PHYHIPL: variants seen among roughly 807,000 people sequenced by gnomAD.
PHYHIPL encodes phytanoyl-CoA 2-hydroxylase interacting protein like, also known as phytanoyl-CoA hydroxylase-interacting protein-like.
In PHYHIPL, 9 loss-of-function variants were observed where a neutral mutation model predicts 33.4. The observed-to-expected ratio is 0.27, with a 90% CI of 0.16 to 0.47. The LOEUF (loss-of-function observed/expected upper bound fraction) is 0.47. Among genes scored for constraint, PHYHIPL ranks in the 20% least tolerant of loss-of-function variants. PHYHIPL has a pLI of 0.99. For synonymous variants in PHYHIPL, 153 were observed against 154.1 expected (o/e 0.99, Z 0.05); for missense variants, 365 against 460.7 (o/e 0.79, Z 1.90).
intron 1 of PHYHIPL, among the ~76,000 whole-genome samples, chr10:59,214,050 A>G (rs1291996962): frequency 6.6e-6 from 1 of 152,168 alleles, no homozygotes; most frequent in Non-Finnish European, 1.5e-5. Context: ...GGATTATTCA[A>G]TAAATGATGT....
intron 1 of PHYHIPL, among the ~76,000 whole-genome samples, chr10:59,184,364 A>G (rs1838504965): frequency 6.6e-6 from 1 of 152,244 alleles, no homozygotes; most frequent in Non-Finnish European, 1.5e-5. Flanking sequence ...AAGTTTGCCA[A>G]CACCTAGTGC....
chr10:59,225,264 G>T (rs554009877), intron 1 of PHYHIPL, among the ~76,000 whole-genome samples: 2 of 149,928 alleles, frequency 1.3e-5, no homozygotes, highest in South Asian at 4.3e-4. Flanking sequence ...CATTGTAAAA[G>T]TTTGTATTCC....
intron 1 of PHYHIPL, chr10:59,177,480 C>T (rs1413624988): frequency 1.3e-6 from 2 of 1,547,672 alleles, no homozygotes; most frequent in Non-Finnish European, 8.7e-7. Context: ...ATTAGGATGA[C>T]AGTTTTTCAG....
intron 1 of PHYHIPL, among the ~76,000 whole-genome samples, chr10:59,227,115 A>G (rs1179797690): frequency 6.6e-6 from 1 of 152,218 alleles, no homozygotes; most frequent in Admixed American, 6.5e-5. Context: ...TTCAAGATGT[A>G]ATTAATATAG....
At chr10:59,240,003 CAG>C (rs1840342737) in intron 4 of PHYHIPL, among the ~76,000 whole-genome samples, 1 of 152,016 alleles carries the variant, frequency 6.6e-6, no homozygotes, top group Non-Finnish European at 1.5e-5. Flanking sequence ...CAACAGGAAT[CAG>C]AGAGAGAAGA....
At chr10:59,184,537 G>T (rs1231050826) in intron 1 of PHYHIPL, among the ~76,000 whole-genome samples, 3 of 152,114 alleles carry the variant, frequency 2.0e-5, no homozygotes, top group Non-Finnish European at 2.9e-5. Context: ...AATGTTATCA[G>T]GCAGTAAGTT....
intron 1 of PHYHIPL, chr10:59,206,815 G>T (rs1478965378): frequency 8.2e-7 from 1 of 1,217,960 alleles, no homozygotes; most frequent in East Asian, 6.1e-5. Context: ...ATTGGTTCAT[G>T]GCAAGTTATT....
At chr10:59,210,653 A>G (rs1204044568) in intron 1 of PHYHIPL, among the ~76,000 whole-genome samples, 1 of 152,260 alleles carries the variant, frequency 6.6e-6, no homozygotes, top group East Asian at 1.9e-4. Flanking sequence ...ACTGTTCACA[A>G]TAGCAAAGAG....
chr10:59,245,424 T>C lies in PHYHIPL; in HGVS notation c.964T>C (p.Tyr322His). ...TCTEEDGVLV[Y>H]HHAQDVILEV... ...TACAGAAGAAGATGGGGTGCTGGTT[T>C]ACCACCATGCCCAGGATGTCATTTT... Residue 322 changes from tyrosine (Y) to histidine (H), a missense_variant, in exon 5 of 5, where the codon TAC (tyrosine) becomes CAC (histidine). Physicochemically the swap from Tyr to His is moderately conservative, Grantham distance 83. Around this residue, in one of 4 missense-constraint regions of PHYHIPL, gnomAD observed 196 missense variants for 224.9 expected, o/e 0.87. Coordinates refer to ENST00000373880, the MANE Select transcript of PHYHIPL (RefSeq NM_032439.4). 6.2e-7 allele frequency: 1 copy of C among 1,614,152 alleles called. No homozygotes were observed. The highest frequency in any genetic ancestry group is 8.5e-7 in the Non-Finnish European group (1 of 1,180,024).
At chr10:59,184,823 AGGTGT>A (rs1390382843) in intron 1 of PHYHIPL, among the ~76,000 whole-genome samples, 3 of 96,206 alleles carry the variant, frequency 3.1e-5, no homozygotes, top group Non-Finnish European at 5.9e-5. Flanking sequence ...CAACAGACCC[AGGTGT>A]GTGATGTTCC....
chr10:59,194,914 T>C (rs977244728), intron 1 of PHYHIPL, among the ~76,000 whole-genome samples: 1 of 152,206 alleles, frequency 6.6e-6, no homozygotes, highest in Non-Finnish European at 1.5e-5. Context: ...TACCTGTGAG[T>C]GTAGAAAGCT....
intron 1 of PHYHIPL, among the ~76,000 whole-genome samples, chr10:59,187,144 A>G (rs1032997711): frequency 3.0e-4 from 46 of 152,132 alleles, no homozygotes; most frequent in Admixed American, 1.4e-3. Context: ...TCCCTTCAAT[A>G]CCTAATTTAT....
At chr10:59,211,525 T>G (rs1252484808) in intron 1 of PHYHIPL, among the ~76,000 whole-genome samples, 4 of 151,864 alleles carry the variant, frequency 2.6e-5, no homozygotes, top group Admixed American at 2.6e-4. Context: ...TACAGGTGCA[T>G]GCCACCACAG....
chr10:59,220,138 G>T (rs1839725725), intron 1 of PHYHIPL, among the ~76,000 whole-genome samples: 3 of 151,910 alleles, frequency 2.0e-5, no homozygotes, highest in African/African-American at 4.8e-5. Context: ...CTTTGTTGAG[G>T]ATTTAATACT....
chr10:59,239,909 T>C (rs1464013138), intron 4 of PHYHIPL, among the ~76,000 whole-genome samples: 1 of 152,048 alleles, frequency 6.6e-6, no homozygotes, highest in Non-Finnish European at 1.5e-5. Context: ...GAAAAATATT[T>C]AGGAAACTTT....
chr10:59,226,134 G>A (rs746132976), intron 1 of PHYHIPL, among the ~76,000 whole-genome samples: 3 of 151,418 alleles, frequency 2.0e-5, no homozygotes, highest in Admixed American at 6.6e-5. Flanking sequence ...ATAAAGAGAC[G>A]TAATTGAGAA....
In PHYHIPL at chr10:59,225,887, T is replaced by TGAAAAAACAAAATGAGACCTACCTAA. The variant is rs1478385162; in HGVS notation, c.107-8395_107-8370dup. On this transcript the variant is annotated intron_variant, in intron 1 of 4. Coordinates refer to ENST00000373880, the MANE Select transcript of PHYHIPL (RefSeq NM_032439.4). ...AGAAGTTTCTAGGTCTTCCATATGATGAAAAAACAAAATGAGACCTACCTA... is the reference window on the plus strand; with the variant it reads ...AGAAGTTTCTAGGTCTTCCATATGATGAAAAAACAAAATGAGACCTACCTAAGAAAAAACAAAATGAGACCTACCTA... 1.1e-3 allele frequency among the ~76,000 whole-genome samples: 164 copies of TGAAAAAACAAAATGAGACCTACCTAA among 152,088 alleles called. 1 individual carries two copies. The highest frequency in any genetic ancestry group is 3.7e-3 in the African/African-American group (152 of 41,508).
chr10:59,244,578 A>AAAAAAAAAAAAAAAAC (rs1840572455), intron 4 of PHYHIPL, among the ~76,000 whole-genome samples: 1 of 149,304 alleles, frequency 6.7e-6, no homozygotes, highest in Admixed American at 6.7e-5. Context: ...AAAAAAAAAA[A>AAAAAAAAAAAAAAAAC]AAAAAAAAGC....
rs191045521 is a variant in PHYHIPL, at chr10:59,216,001, A to G, written c.107-18303A>G. ...GAAAAGATTGGAAAGGAAAATCAAG[A>G]GTTCTATTTTAGATATTTTAAATTT... On this transcript the variant is annotated intron_variant, in intron 1 of 4. Transcript: ENST00000373880. Among the ~76,000 whole-genome samples, 11 of 152,148 alleles carry G rather than the reference A, an allele frequency of 7.2e-5. No homozygotes were observed. In the East Asian group the frequency reaches 1.9e-3, roughly 27 times the overall value.
Sources: gnomAD v4.1 joint callset for allele counts (sites outside exome capture counted in the v4.1 genomes callset) on GRCh38, gnomAD v4.1.1 for gene constraint, gnomAD v4.1.1 regional missense constraint, MANE v1.5 for transcripts, NCBI Gene and HGNC (gene_info 2026-07-23, HGNC 2026-07-21) for gene names.